JAK3: variants seen among roughly 807,000 people sequenced by gnomAD.
The protein encoded by JAK3 is Janus kinase 3, also known as tyrosine-protein kinase JAK3.
Under a neutral mutation model 120.8 loss-of-function variants are expected in JAK3, and 88 were observed. The ratio of observed to expected loss-of-function variants is 0.73; its 90% CI spans 0.61 to 0.87. JAK3 has a LOEUF of 0.87. Ranked by LOEUF, JAK3 falls within the 40% of genes least tolerant of loss-of-function variation. JAK3 has a pLI of 0.00. For synonymous variants in JAK3, 592 were observed against 628.6 expected (o/e 0.94, Z 0.87); for missense variants, 1,254 against 1,501.4 (o/e 0.84, Z 2.72).
intron 13 of JAK3, chr19:17,836,798 G>A: frequency 2.1e-6 from 1 of 469,942 alleles, no homozygotes; most frequent in East Asian, 3.8e-5. Context: ...CACATTCTAG[G>A]CTCTGTCCCA....
intron 2 of JAK3, 104 bp from the exon 3 acceptor site, chr19:17,844,004 GT>G: frequency 6.9e-7 from 1 of 1,445,766 alleles, no homozygotes; most frequent in Non-Finnish European, 9.5e-7. Context: ...ATACCTCAAG[GT>G]ATGACCAGCT....
intron 16 of JAK3, 38 bp downstream of exon 16, chr19:17,834,813 TG>T (rs1568402783): frequency 6.2e-7 from 1 of 1,613,382 alleles, no homozygotes; most frequent in Admixed American, 1.7e-5. Context: ...TCTGTCAAAG[TG>T]GGGGTTCGGA....
Position 17,837,147 on chromosome 19 carries a change from C to T in JAK3, c.1768G>A (p.Val590Met), listed in dbSNP as rs1040476469. The stretch of plus-strand genomic sequence containing the variant: ...CTCTCACTGTCTCCAGCCATGCACA[C>T]GCCGTGGAGCAGCACGAGATGCCGG... ...SYRHLVLLHG[V>M]CMAGDSTMVQ... The change falls in exon 13 of 24, where the codon GTG becomes ATG. Residue 590 changes from valine (V) to methionine (M), a missense_variant. Around this residue, in one of 3 missense-constraint regions of JAK3, gnomAD observed 630 missense variants for 819.8 expected, o/e 0.77. Transcript: ENST00000458235. 22 of 1,557,438 alleles carry T rather than the reference C, an allele frequency of 1.4e-5. No homozygotes were observed. Among genetic ancestry groups the T allele is most frequent in the Admixed American group, 1.9e-5 (1 of 52,312 alleles).
Position 17,826,662 on chromosome 19 carries a change from A to G in JAK3, c.*81T>C, listed in dbSNP as rs1355304666. The G allele has an allele frequency of 1.3e-6, 2 of 1,498,102 alleles. No individual in the cohort carries two copies. The highest frequency in any genetic ancestry group is 1.4e-5 in the African/African-American group (1 of 72,686). 92.8% of individuals were successfully genotyped at this position (1,498,102 alleles called of 1,614,324 possible). A position where few individuals can be genotyped will look rare whatever the true frequency, so the allele number is the denominator to read the frequency against. Reference sequence around the variant, plus strand: ...GTAGAGGACCCTCATAAGGCCTCTGAGGCCCAGAGAGGGGCAGCTCCGGGC... The same window carrying G: ...GTAGAGGACCCTCATAAGGCCTCTGGGGCCCAGAGAGGGGCAGCTCCGGGC... On this transcript the variant is annotated 3_prime_UTR_variant, in exon 24 of 24. Coordinates refer to ENST00000458235, the MANE Select transcript of JAK3 (RefSeq NM_000215.4).
rs553571090 is a variant in JAK3, at chr19:17,830,578, C to T, written c.3021G>A (p.Gln1007=). 1.2e-6 allele frequency: 2 copies of T among 1,613,772 alleles called. No homozygotes were observed. The highest frequency in any genetic ancestry group is 2.2e-5 in the South Asian group (2 of 91,066). The change falls in exon 22 of 24, where the codon CAG becomes CAA. Residue 1007 remains glutamine (Q), a synonymous_variant. Transcript: ENST00000458235. ...ESLSDNIFSR[Q]SDVWSFGVVL... ...CGACCCCGAAGCTCCAGACGTCTGA[C>T]TGGCGAGAGAAGATGTTGTCCGAGA...
chr19:17,831,645 CCCA>C lies in JAK3; in HGVS notation c.2805+26_2805+28del, dbSNP rs1324126863. On this transcript the variant is annotated intron_variant, in intron 20 of 23. Coordinates refer to ENST00000458235, the MANE Select transcript of JAK3 (RefSeq NM_000215.4). This position sits in a 1 kb window ranked among gnomAD's most constrained non-coding sequence, Gnocchi z 5.1. ...CTGCCCAGGCCGTGCCAGCTGAATC[CCCA>C]CAAGTCCCGGGGCGCCCCCTCGCAC... 6.3e-7 allele frequency: 1 copy of C among 1,596,390 alleles called. No individual in the cohort carries two copies. The highest frequency in any genetic ancestry group is 1.3e-5 in the African/African-American group (1 of 74,572).
chr19:17,846,401 G>T (rs779946692), intron 1 of JAK3, among the ~76,000 whole-genome samples: 1 of 152,118 alleles, frequency 6.6e-6, no homozygotes, highest in Non-Finnish European at 1.5e-5. Context: ...CCTTACCAAA[G>T]GGACACTTTG....
intron 9 of JAK3, among the ~76,000 whole-genome samples, 180 bp from the exon 10 acceptor site, chr19:17,839,843 C>T (rs548655727): frequency 4.0e-5 from 6 of 150,286 alleles, no homozygotes; most frequent in Middle Eastern, 3.4e-3. Flanking sequence ...CAGGTTCAAG[C>T]GATTCTCCTG....
chr19:17,846,915 G>C (rs963331292), intron 1 of JAK3, among the ~76,000 whole-genome samples: 1 of 149,956 alleles, frequency 6.7e-6, no homozygotes, highest in African/African-American at 2.5e-5. Context: ...TTGTAGGGGG[G>C]AGGACGGATT....
chr19:17,847,902 C>G (rs2094256128), intron 1 of JAK3, 44 bp downstream of exon 1: 1 of 870,116 alleles, frequency 1.1e-6, no homozygotes, highest in Non-Finnish European at 1.4e-6. Context: ...CCACCATCCT[C>G]CCCCAGTGTC....
intron 12 of JAK3, among the ~76,000 whole-genome samples, chr19:17,837,649 A>G (rs1313593739): frequency 6.6e-6 from 1 of 152,106 alleles, no homozygotes; most frequent in Non-Finnish European, 1.5e-5. Flanking sequence ...TCCCGACCTC[A>G]GATGATCTGC....
chr19:17,831,378 C>T lies in JAK3; in HGVS notation c.2828G>A (p.Arg943His), dbSNP rs2147676027. 1 of 1,606,202 alleles carries T rather than the reference C, an allele frequency of 6.2e-7. No individual in the cohort carries two copies. The change falls in exon 21 of 24, where the codon CGC becomes CAC. Residue 943 changes from arginine to histidine, a missense_variant. By Grantham distance (29) the Arg-to-His change is conservative. This residue lies in a region of JAK3 where 630 missense variants were observed against 819.8 expected (regional missense o/e 0.77). Coordinates refer to ENST00000458235, the MANE Select transcript of JAK3 (RefSeq NM_000215.4). This position sits in a 1 kb window ranked among gnomAD's most constrained non-coding sequence, Gnocchi z 5.1. The stretch of plus-strand genomic sequence containing the variant: ...GGCCAGGTCGCGGTGCACGCAGCGG[C>T]GGGAGCCCAGGTACTCCATGCCCTG... ...ICKGMEYLGSRRCVHRDLAAR... is the reference protein window; with the variant it reads ...ICKGMEYLGSHRCVHRDLAAR...
At position 17,842,191 on chromosome 19, in the gene JAK3, T is replaced by A; in HGVS notation, c.861+125A>T. On this transcript the variant is annotated intron_variant, in intron 6 of 23. Coordinates refer to ENST00000458235, the MANE Select transcript of JAK3 (RefSeq NM_000215.4). This position sits in a 1 kb window ranked among gnomAD's most constrained non-coding sequence, Gnocchi z 6.4. ...CTCCCTCACTAAGCCCCGCCCCTCA[T>A]TAAGCCTCGCCCACTTCCCCAAGTC... is the stretch of plus-strand genomic sequence containing the variant. 9.5e-7 allele frequency: 1 copy of A among 1,050,840 alleles called. No individual in the cohort carries two copies. Among genetic ancestry groups the A allele is most frequent in the Non-Finnish European group, 1.3e-6 (1 of 757,588 alleles). The allele number at this position is 1,050,840 out of a possible 1,614,324, so 65.1% of individuals were successfully genotyped here. A position where few individuals can be genotyped will look rare whatever the true frequency, so the allele number is the denominator to read the frequency against.
chr19:17,846,302 A>G (rs552864244), intron 1 of JAK3, among the ~76,000 whole-genome samples: 1 of 152,282 alleles, frequency 6.6e-6, no homozygotes, highest in East Asian at 1.9e-4. Flanking sequence ...GTAAGCGATC[A>G]ACAAACGCCT....
intron 1 of JAK3, among the ~76,000 whole-genome samples, chr19:17,845,447 G>A (rs1277785236): frequency 6.6e-6 from 1 of 152,096 alleles, no homozygotes; most frequent in African/African-American, 2.4e-5. Flanking sequence ...GAGCCACCGC[G>A]CCTGGCCGAG....
At chr19:17,833,625 G>A (rs947730948) in intron 17 of JAK3, among the ~76,000 whole-genome samples, 25 of 151,262 alleles carry the variant, frequency 1.7e-4, no homozygotes, top group Admixed American at 1.3e-4. Context: ...TGAGGTGGAC[G>A]GATCTCTTTG....
rs2147687592 is a variant in JAK3, at chr19:17,838,007, C to T, written c.1626G>A (p.Glu542=). 1.9e-6 allele frequency: 3 copies of T among 1,614,148 alleles called. No individual in the cohort carries two copies. The highest frequency in any genetic ancestry group is 2.5e-6 in the Non-Finnish European group (3 of 1,180,028). The change falls in exon 12 of 24, where the codon GAG becomes GAA. Residue 542 remains glutamate (E), a synonymous_variant. Coordinates refer to ENST00000458235, the MANE Select transcript of JAK3 (RefSeq NM_000215.4). ...FTKIYRGCRH[E]VVDGEARKTE... ...TCTTTCGGGCCTCCCCATCCACCAC[C>T]TCATGGCGACAGCCCCGGTAAATCT...
At chr19:17,829,977 G>A in intron 23 of JAK3, 131 bp downstream of exon 23, 2 of 728,794 alleles carry the variant, frequency 2.7e-6, no homozygotes, top group Non-Finnish European at 4.9e-6. Flanking sequence ...GCCAAGTGGG[G>A]GCCAGGATCC....
chr19:17,830,617 A>G lies in JAK3; in HGVS notation c.2982T>C (p.Tyr994=). Reference sequence around the variant, plus strand: ...TGTTGTCCGAGAGGGATTCGGGGGCATACCTGGAGAGGGGACAAGGTCTTG... The same window carrying G: ...TGTTGTCCGAGAGGGATTCGGGGGCGTACCTGGAGAGGGGACAAGGTCTTG... ...REPGQSPIFW[Y]APESLSDNIF... Residue 994 remains tyrosine (Y), a synonymous_variant, in exon 22 of 24, where the codon TAT becomes TAC. Coordinates refer to ENST00000458235, the MANE Select transcript of JAK3 (RefSeq NM_000215.4). 1 of 1,613,076 alleles carries G rather than the reference A, an allele frequency of 6.2e-7. No homozygotes were observed. The highest frequency in any genetic ancestry group is 8.5e-7 in the Non-Finnish European group (1 of 1,179,534).
Sources: allele counts gnomAD v4.1 joint callset (sites outside exome capture counted in the v4.1 genomes callset), GRCh38; gene constraint gnomAD v4.1.1; regional missense constraint gnomAD v4.1.1; non-coding constraint Gnocchi (gnomAD v3.1); transcripts MANE v1.5; gene names NCBI Gene and HGNC (gene_info 2026-07-23, HGNC 2026-07-21).